The following ATP2B2 variants were observed in gnomAD, a reference collection of about 807,000 sequenced individuals.
ATP2B2 encodes the protein plasma membrane calcium-transporting ATPase 2.
Under a neutral mutation model 120.0 loss-of-function variants are expected in ATP2B2, and 15 were observed. The ratio of observed to expected loss-of-function variants is 0.12; its 90% confidence interval spans 0.08 to 0.19. The LOEUF is 0.19. Among genes scored for constraint, ATP2B2 ranks in the 10% least tolerant of loss-of-function variants. The probability of loss-of-function intolerance (pLI) is 1.00; values close to 1 mark genes in which losing one functional copy is unlikely to be tolerated. For missense variants in ATP2B2, 1,045 were observed against 1,719.8 expected (o/e 0.61, Z 6.94); for synonymous variants, 694 against 700.3 (o/e 0.99, Z 0.14).
At chr3:10,600,586 G>A (rs1038354634) in intron 2 of ATP2B2, among the ~76,000 whole-genome samples, 5 of 152,226 alleles carry the variant, frequency 3.3e-5, no homozygotes, top group Admixed American at 6.5e-5. Context: ...GGCATTGGCC[G>A]TGGATTTACT....
intron 5 of ATP2B2, among the ~76,000 whole-genome samples, chr3:10,396,848 G>GA: frequency 6.6e-6 from 1 of 151,954 alleles, no homozygotes; most frequent in East Asian, 1.9e-4. Context: ...GCTATAATCA[G>GA]AAAGGGGGGG....
Position 10,328,231 on chromosome 3 carries a change from A to G in ATP2B2, c.*583T>C, listed in dbSNP as rs2059894647. ...GATATAACCTTGTGAGTGTCTATGA[A>G]GTTCTTCGGTTCCATTGGTGCAAAT... is the stretch of plus-strand genomic sequence containing the variant. On this transcript the variant is annotated 3_prime_UTR_variant, in exon 23 of 23. Coordinates refer to ENST00000360273, the MANE Select transcript of ATP2B2 (RefSeq NM_001001331.4). 1 of 153,514 alleles carries G rather than the reference A, an allele frequency of 6.5e-6. No homozygotes were observed. Among genetic ancestry groups the G allele is most frequent in the Non-Finnish European group, 1.5e-5 (1 of 68,832 alleles). The allele number at this position is 153,514 out of a possible 1,614,324, so 9.5% of individuals were successfully genotyped here. A position where few individuals can be genotyped will look rare whatever the true frequency, so the allele number is the denominator to read the frequency against.
intron 2 of ATP2B2, among the ~76,000 whole-genome samples, chr3:10,542,979 T>G (rs913014622): frequency 9.9e-5 from 15 of 152,180 alleles, no homozygotes; most frequent in Non-Finnish European, 2.2e-4. Flanking sequence ...ACACGAGTGT[T>G]AAATCTTTTG....
At chr3:10,597,023 G>A (rs1387429851) in intron 2 of ATP2B2, among the ~76,000 whole-genome samples, 1 of 133,504 alleles carries the variant, frequency 7.5e-6, no homozygotes, top group African/African-American at 2.9e-5. Context: ...ACGCACACAG[G>A]CACACACCCA....
chr3:10,499,816 G>A (rs2125400630), intron 1 of ATP2B2, among the ~76,000 whole-genome samples: 1 of 152,282 alleles, frequency 6.6e-6, no homozygotes, highest in East Asian at 1.9e-4. Context: ...GGGCCCTAAG[G>A]GGTCTCTGGG....
At position 10,345,389 on chromosome 3, in the gene ATP2B2, T is replaced by C; in HGVS notation, c.2698A>G (p.Thr900Ala). The change falls in exon 18 of 23, where the codon ACG (threonine) becomes GCG (alanine). Residue 900 changes from threonine (T) to alanine (A), a missense_variant. Thr to Ala is a moderately conservative substitution (Grantham distance 58). Transcript: ENST00000360273. ...GTGGTCTCCTGCGGACCCACCTGCG[T>C]GATGCAGGCGCCTGTGAAGGCCACA... ...VIVAFTGACI[T>A]QDSPLKAVQM... 6.2e-7 allele frequency: 1 copy of C among 1,614,126 alleles called. No individual in the cohort carries two copies. The highest frequency in any genetic ancestry group is 2.2e-5 in the East Asian group (1 of 44,864).
chr3:10,651,345 T>C (rs192053496), intron 1 of ATP2B2, among the ~76,000 whole-genome samples: 36 of 152,262 alleles, frequency 2.4e-4, no homozygotes, highest in Middle Eastern at 3.4e-3. Context: ...AATTGAATCA[T>C]GGGGGCAGGT....
chr3:10,672,933 C>A (rs1288200680), intron 1 of ATP2B2, among the ~76,000 whole-genome samples: 1 of 152,192 alleles, frequency 6.6e-6, no homozygotes, highest in Non-Finnish European at 1.5e-5. Flanking sequence ...GCTCCCAGAA[C>A]TATTCAGAGA....
chr3:10,496,535 C>T (rs963693234), intron 1 of ATP2B2, among the ~76,000 whole-genome samples: 11 of 152,200 alleles, frequency 7.2e-5, no homozygotes, highest in African/African-American at 1.2e-4. Context: ...TGAGGCCACA[C>T]GCTTGTTTAT....
chr3:10,631,748 G>C (rs2069870875), intron 1 of ATP2B2, among the ~76,000 whole-genome samples: 1 of 152,174 alleles, frequency 6.6e-6, no homozygotes. Flanking sequence ...TCCCCTACAT[G>C]CTAAGAAAGA....
intron 3 of ATP2B2, among the ~76,000 whole-genome samples, chr3:10,517,271 C>G (rs996254738): frequency 3.9e-5 from 6 of 152,342 alleles, no homozygotes; most frequent in African/African-American, 1.4e-4. Flanking sequence ...AAGTGTCACA[C>G]TGGGCAGATG....
chr3:10,360,262 C>T (rs1227384792), intron 12 of ATP2B2, 139 bp from the exon 13 acceptor site: 6 of 1,412,012 alleles, frequency 4.2e-6, no homozygotes, highest in Middle Eastern at 2.6e-4. Context: ...GCCCTTGGCC[C>T]ATCCCCTGCA....
intron 4 of ATP2B2, among the ~76,000 whole-genome samples, chr3:10,401,872 C>T (rs993045486): frequency 1.3e-5 from 2 of 152,178 alleles, no homozygotes; most frequent in Non-Finnish European, 2.9e-5. Context: ...GCACATGTGC[C>T]ATGTACTTGT....
At chr3:10,392,462 G>A (rs549062708) in intron 5 of ATP2B2, among the ~76,000 whole-genome samples, 2 of 152,310 alleles carry the variant, frequency 1.3e-5, no homozygotes, top group East Asian at 3.9e-4. Flanking sequence ...CCTGCAGAGG[G>A]CAATGCTTAA....
intron 1 of ATP2B2, among the ~76,000 whole-genome samples, chr3:10,658,918 G>C (rs1176544939): frequency 6.6e-6 from 1 of 152,134 alleles, no homozygotes; most frequent in East Asian, 1.9e-4. Flanking sequence ...CTACAAGCCA[G>C]AAGAGAGTGG....
chr3:10,678,732 T>C (rs750921897), intron 1 of ATP2B2, among the ~76,000 whole-genome samples: 91 of 152,208 alleles, frequency 6.0e-4, no homozygotes, highest in Admixed American at 1.4e-3. Flanking sequence ...CTTCACTGAG[T>C]TAAAGTGGGG....
intron 1 of ATP2B2, among the ~76,000 whole-genome samples, chr3:10,659,489 A>C (rs1297723221): frequency 6.6e-6 from 1 of 152,216 alleles, no homozygotes; most frequent in Non-Finnish European, 1.5e-5. Flanking sequence ...AGATCAAAAG[A>C]GACAAAGAAG....
rs2125391434 is a variant in ATP2B2 at position 10,345,307 on chromosome 3, G to C, written c.2703+77C>G. The stretch of plus-strand genomic sequence containing the variant: ...GCTGTTCTGACAGGGACAACCTGGA[G>C]TACCCTAAGGCCCCCGAGCCTCTGT... On this transcript the variant is annotated intron_variant, in intron 18 of 22. Transcript: ENST00000360273. 4 of 1,528,584 alleles carry C rather than the reference G, an allele frequency of 2.6e-6. No homozygotes were observed. The East Asian group carries it at 6.8e-5, about 26-fold the overall frequency. The allele number at this position is 1,528,584 out of a possible 1,614,324, so 94.7% of individuals were successfully genotyped here. A position where few individuals can be genotyped will look rare whatever the true frequency, so the allele number is the denominator to read the frequency against.
intron 14 of ATP2B2, among the ~76,000 whole-genome samples, chr3:10,357,719 A>C (rs965492214): frequency 8.5e-5 from 13 of 152,178 alleles, no homozygotes; most frequent in African/African-American, 3.1e-4. Flanking sequence ...CAGCTGAGTG[A>C]GTCCTGGGAG....
Sources: allele counts gnomAD v4.1 joint callset (sites outside exome capture counted in the v4.1 genomes callset), GRCh38; gene constraint gnomAD v4.1.1; transcripts MANE v1.5; gene names NCBI Gene and HGNC (gene_info 2026-07-23, HGNC 2026-07-21).